IL1RAPL2: variants seen among roughly 807,000 people sequenced by gnomAD.
The protein encoded by IL1RAPL2 is X-linked interleukin-1 receptor accessory protein-like 2.
Under a neutral mutation model 44.1 loss-of-function variants are expected in IL1RAPL2, and 3 were observed. The observed-to-expected ratio is 0.07, with a 90% CI of 0.03 to 0.18. The LOEUF is 0.18. Among genes scored for constraint, IL1RAPL2 ranks in the 10% least tolerant of loss-of-function variants. The pLI is 1.00. For missense variants in IL1RAPL2, 391 were observed against 496.4 expected (o/e 0.79, Z 2.02); for synonymous variants, 181 against 178.8 (o/e 1.01, Z -0.10).
chrX:105,691,081 G>C (rs2038031643), intron 6 of IL1RAPL2, among the ~76,000 whole-genome samples: 1 of 111,319 alleles, frequency 9.0e-6, no homozygotes, highest in Non-Finnish European at 1.9e-5. Flanking sequence ...CTCCAAAAGA[G>C]CCTATCTCTA....
intron 2 of IL1RAPL2, among the ~76,000 whole-genome samples, chrX:105,017,978 A>G: frequency 9.0e-6 from 1 of 111,608 alleles, no homozygotes; most frequent in East Asian, 2.9e-4. Flanking sequence ...AATGCAACAC[A>G]AAGGGTTACT....
intron 6 of IL1RAPL2, among the ~76,000 whole-genome samples, chrX:105,656,983 C>A (rs866135738): frequency 9.1e-6 from 1 of 110,034 alleles, no homozygotes; most frequent in African/African-American, 3.3e-5. Context: ...TTTTAGATTT[C>A]TTTTACCTTT....
intron 2 of IL1RAPL2, among the ~76,000 whole-genome samples, chrX:105,108,494 AT>A (rs71816209): frequency 8.7e-4 from 64 of 73,617 alleles, no homozygotes; most frequent in African/African-American, 2.7e-3. Context: ...CCATGCCCGG[AT>A]TTTTTTTTTT....
chrX:105,222,978 T>C (rs1311933145), intron 3 of IL1RAPL2, among the ~76,000 whole-genome samples: 1 of 110,939 alleles, frequency 9.0e-6, no homozygotes, highest in Non-Finnish European at 1.9e-5. Flanking sequence ...GGCAAAATCC[T>C]GTGTCTACTA....
chrX:104,877,909 T>A (rs920762914), intron 2 of IL1RAPL2, among the ~76,000 whole-genome samples: 2 of 111,953 alleles, frequency 1.8e-5, no homozygotes, highest in Non-Finnish European at 3.8e-5. Flanking sequence ...TTCAAATAAA[T>A]TTGGGAAAGA....
intron 2 of IL1RAPL2, among the ~76,000 whole-genome samples, chrX:105,084,282 G>C (rs760384718): frequency 1.1e-4 from 12 of 112,651 alleles, no homozygotes; most frequent in Non-Finnish European, 1.9e-4. Flanking sequence ...TCCACTGACA[G>C]CTTGCACAGT....
At chrX:105,020,226 T>C (rs780942986) in intron 2 of IL1RAPL2, among the ~76,000 whole-genome samples, 1 of 110,913 alleles carries the variant, frequency 9.0e-6, no homozygotes, top group African/African-American at 3.3e-5. Context: ...CTCAAAAGAT[T>C]CTTTCATCTC....
chrX:104,726,966 TAAATG>T (rs971117430), intron 2 of IL1RAPL2, among the ~76,000 whole-genome samples: 16 of 109,588 alleles, frequency 1.5e-4, no homozygotes, highest in African/African-American at 5.3e-4. Flanking sequence ...ATTAAAAACT[TAAATG>T]TAAGACCTGA....
intron 1 of IL1RAPL2, among the ~76,000 whole-genome samples, chrX:104,624,677 A>T (rs1052252151): frequency 7.1e-5 from 8 of 112,095 alleles, no homozygotes; most frequent in African/African-American, 2.6e-4. Flanking sequence ...TCTTACAAAA[A>T]TATTTGTGTA....
chrX:105,143,537 C>T (rs958768875), intron 2 of IL1RAPL2, among the ~76,000 whole-genome samples: 1 of 111,639 alleles, frequency 9.0e-6, no homozygotes, highest in Non-Finnish European at 1.9e-5. Context: ...GACAGTGTGG[C>T]GATTCCTCAA....
At chrX:105,647,904 A>G (rs1380930763) in intron 6 of IL1RAPL2, among the ~76,000 whole-genome samples, 4 of 111,381 alleles carry the variant, frequency 3.6e-5, no homozygotes, top group Non-Finnish European at 5.6e-5. Context: ...ACTTGAACCA[A>G]TATATCATAC....
intron 2 of IL1RAPL2, among the ~76,000 whole-genome samples, chrX:104,744,982 C>G (rs543009042): frequency 9.1e-6 from 1 of 109,466 alleles, no homozygotes; most frequent in Admixed American, 9.8e-5. Context: ...ATCCCCACCC[C>G]CTCCCATAGA....
chrX:105,487,113 T>C (rs1458107515), intron 6 of IL1RAPL2, among the ~76,000 whole-genome samples: 5 of 90,381 alleles, frequency 5.5e-5, no homozygotes, highest in Non-Finnish European at 6.6e-5. Flanking sequence ...AAAAAAAAAA[T>C]AGTACTTGAT....
At chrX:105,223,101 G>A (rs2033982189) in intron 3 of IL1RAPL2, among the ~76,000 whole-genome samples, 1 of 106,644 alleles carries the variant, frequency 9.4e-6, no homozygotes, top group Non-Finnish European at 1.9e-5. Flanking sequence ...AGTGAGCCGA[G>A]ATCATGCCAC....
At chrX:105,052,575 A>G (rs968571815) in intron 2 of IL1RAPL2, among the ~76,000 whole-genome samples, 5 of 111,602 alleles carry the variant, frequency 4.5e-5, no homozygotes, top group African/African-American at 1.6e-4. Context: ...ATTCTGTTAG[A>G]GCTTTCCAAA....
At chrX:104,636,033 C>G (rs926357753) in intron 1 of IL1RAPL2, among the ~76,000 whole-genome samples, 4 of 111,731 alleles carry the variant, frequency 3.6e-5, no homozygotes, top group Admixed American at 1.9e-4. Context: ...TGTGGATATC[C>G]TTTCTGTTTG....
intron 3 of IL1RAPL2, among the ~76,000 whole-genome samples, chrX:105,196,454 T>C (rs2033673301): frequency 9.0e-6 from 1 of 111,341 alleles, no homozygotes; most frequent in Non-Finnish European, 1.9e-5. Flanking sequence ...TGGTCTTGCC[T>C]TTCTTGTTGA....
At chrX:104,597,118 T>C (rs1358416764) in intron 1 of IL1RAPL2, among the ~76,000 whole-genome samples, 1 of 110,511 alleles carries the variant, frequency 9.0e-6, no homozygotes, top group Non-Finnish European at 1.9e-5. Flanking sequence ...CTGAGGCAGG[T>C]GGATTGCCTG....
chrX:105,715,304 A>G (rs190904877), intron 6 of IL1RAPL2, among the ~76,000 whole-genome samples: 46 of 112,247 alleles, frequency 4.1e-4, no homozygotes, highest in Non-Finnish European at 7.5e-4. Context: ...ATACATTAAC[A>G]GTAACATTAA....
Sources: allele counts gnomAD v4.1 joint callset (sites outside exome capture counted in the v4.1 genomes callset), GRCh38; gene constraint gnomAD v4.1.1; transcripts MANE v1.5; gene names NCBI Gene and HGNC (gene_info 2026-07-23, HGNC 2026-07-21).